CCDC85A: variants seen among roughly 807,000 people sequenced by gnomAD.
The protein encoded by CCDC85A is coiled-coil domain-containing protein 85A.
A neutral mutation model predicts 50.2 loss-of-function variants in CCDC85A; 38 were observed. The observed-to-expected ratio is 0.76, with a 90% confidence interval of 0.58 to 0.99. The LOEUF (loss-of-function observed/expected upper bound fraction) is 0.99. Among genes scored for constraint, CCDC85A ranks in the 50% least tolerant of loss-of-function variants. The pLI is 0.00. For synonymous variants in CCDC85A, 366 were observed against 301.4 expected (o/e 1.21, Z -2.22); for missense variants, 820 against 742.0 (o/e 1.11, Z -1.22).
intron 3 of CCDC85A, among the ~76,000 whole-genome samples, chr2:56,365,211 C>T (rs1675730541): frequency 6.6e-6 from 1 of 152,138 alleles, no homozygotes; most frequent in Non-Finnish European, 1.5e-5. Context: ...ACTGTGACTC[C>T]ACAGACATCA....
intron 2 of CCDC85A, among the ~76,000 whole-genome samples, chr2:56,308,056 A>G (rs1265334257): frequency 1.3e-5 from 2 of 152,240 alleles, no homozygotes; most frequent in African/African-American, 4.8e-5. Flanking sequence ...CTACTCTCAT[A>G]GCATGAGTCG....
chr2:56,319,920 G>T (rs1673091916), intron 2 of CCDC85A, among the ~76,000 whole-genome samples: 1 of 152,134 alleles, frequency 6.6e-6, no homozygotes, highest in Non-Finnish European at 1.5e-5. Context: ...TAAAAGAACA[G>T]AAATTATAGC....
At chr2:56,232,025 G>A (rs1030579921) in intron 2 of CCDC85A, among the ~76,000 whole-genome samples, 4 of 151,912 alleles carry the variant, frequency 2.6e-5, no homozygotes, top group African/African-American at 9.7e-5. Flanking sequence ...TCCTCTGCTT[G>A]ACTTCTCAAT....
intron 2 of CCDC85A, among the ~76,000 whole-genome samples, chr2:56,219,357 TAAAC>T (rs917866994): frequency 2.6e-5 from 4 of 151,392 alleles, no homozygotes; most frequent in African/African-American, 9.7e-5. Flanking sequence ...CTTCGAACAA[TAAAC>T]AAGACAGCAT....
At position 56,192,617 on chromosome 2, in the gene CCDC85A, G is replaced by A. The variant is rs1676344068; in HGVS notation, c.417G>A (p.Lys139=). ...LGRYTAGVMH[K]EVALYLQKLK... The stretch of plus-strand genomic sequence containing the variant: ...GCTACACTGCCGGGGTGATGCACAA[G>A]GAAGTGGCCTTATACCTGCAGAAGC... Residue 139 remains lysine, a synonymous_variant, in exon 2 of 6, where the codon AAG becomes AAA. Coordinates refer to ENST00000407595, the MANE Select transcript of CCDC85A (RefSeq NM_001080433.2). This position sits in a 1 kb window ranked among gnomAD's most constrained non-coding sequence, Gnocchi z 4.7. 6.2e-7 allele frequency: 1 copy of A among 1,613,844 alleles called. No homozygotes were observed. The highest frequency in any genetic ancestry group is 1.7e-5 in the Admixed American group (1 of 59,988).
chr2:56,347,312 A>T (rs1026422376), intron 3 of CCDC85A, among the ~76,000 whole-genome samples: 1 of 152,190 alleles, frequency 6.6e-6, no homozygotes, highest in African/African-American at 2.4e-5. Context: ...AGGCCTATTC[A>T]GTGTTCTTTC....
intron 2 of CCDC85A, among the ~76,000 whole-genome samples, chr2:56,224,096 C>A (rs1044041750): frequency 2.7e-4 from 41 of 152,274 alleles, no homozygotes; most frequent in African/African-American, 9.9e-4. Context: ...TTGCATTTAA[C>A]CCCATACCCA....
intron 2 of CCDC85A, among the ~76,000 whole-genome samples, chr2:56,198,116 A>G (rs1676600136): frequency 6.6e-6 from 1 of 152,262 alleles, no homozygotes; most frequent in Non-Finnish European, 1.5e-5. Flanking sequence ...GATAACACAA[A>G]GTGGCCTTGT....
At chr2:56,337,092 G>C (rs1674111413) in intron 2 of CCDC85A, among the ~76,000 whole-genome samples, 1 of 152,202 alleles carries the variant, frequency 6.6e-6, no homozygotes, top group African/African-American at 2.4e-5. Flanking sequence ...GGCAGAAGTT[G>C]AATTAGAAAA....
chr2:56,184,008 C>CA lies in CCDC85A; in HGVS notation c.-614dup. On this transcript the variant is annotated 5_prime_UTR_variant, in exon 1 of 6. Coordinates refer to ENST00000407595, the MANE Select transcript of CCDC85A (RefSeq NM_001080433.2). ...TCCACCCCTTCTCGACTCCGCTCTG[C>CA]AAATCGAAGGCTTTCCGGAGCAGCC... is the stretch of plus-strand genomic sequence containing the variant. The CA allele has an allele frequency of 1.0e-6, 1 of 985,588 alleles. No individual in the cohort carries two copies. The highest frequency in any genetic ancestry group is 1.7e-5 in the African/African-American group (1 of 57,374). 61.1% of individuals were successfully genotyped at this position (985,588 alleles called of 1,614,324 possible).
intron 2 of CCDC85A, among the ~76,000 whole-genome samples, chr2:56,220,053 T>C (rs552925195): frequency 6.6e-6 from 1 of 151,948 alleles, no homozygotes; most frequent in South Asian, 2.1e-4. Context: ...TAGAGACAAA[T>C]GTGATTTGCC....
intron 2 of CCDC85A, among the ~76,000 whole-genome samples, chr2:56,243,350 T>G (rs890181166): frequency 1.3e-5 from 2 of 152,132 alleles, no homozygotes; most frequent in Non-Finnish European, 2.9e-5. Context: ...CTCTTCCGTG[T>G]GTTTTCAAAT....
chr2:56,340,204 T>C (rs1188712568), intron 2 of CCDC85A, among the ~76,000 whole-genome samples: 1 of 152,154 alleles, frequency 6.6e-6, no homozygotes, highest in Non-Finnish European at 1.5e-5. Flanking sequence ...TTTTAGAAAA[T>C]AAAGTGTTAG....
rs539465577 is a variant in CCDC85A, at chr2:56,361,167, T to C, written c.1318-11177T>C. The stretch of plus-strand genomic sequence containing the variant: ...TACTCGGGAGGCTGAGGCAGGAGAA[T>C]GGCGCGAACCCAGGAGGCGGAGCTT... On this transcript the variant is annotated intron_variant, in intron 3 of 5. Transcript: ENST00000407595. Among the ~76,000 whole-genome samples, 608 of 151,650 alleles carry C rather than the reference T, an allele frequency of 4.0e-3. 3 individuals are homozygous for C. Among genetic ancestry groups the C allele is most frequent in the African/African-American group, 0.013 (519 of 41,262 alleles).
rs769198166 is a variant in CCDC85A at position 56,372,487 on chromosome 2, A to G, written c.1452+9A>G. On this transcript the variant is annotated intron_variant, in intron 4 of 5. Transcript: ENST00000407595. ...GCCTGCCTACTCTCCCGGTGAGTGAAGATGAGTCAGCTGGATGCATTTGCT... is the reference window on the plus strand; with the variant it reads ...GCCTGCCTACTCTCCCGGTGAGTGAGGATGAGTCAGCTGGATGCATTTGCT... The G allele has an allele frequency of 1.3e-6, 2 of 1,583,872 alleles. No homozygotes were observed. The highest frequency in any genetic ancestry group is 2.3e-5 in the South Asian group (2 of 86,496).
chr2:56,296,796 C>T (rs1671969638), intron 2 of CCDC85A, among the ~76,000 whole-genome samples: 1 of 152,140 alleles, frequency 6.6e-6, no homozygotes, highest in South Asian at 2.1e-4. Flanking sequence ...AAACAATTTA[C>T]ATAGCAAATT....
intron 2 of CCDC85A, among the ~76,000 whole-genome samples, chr2:56,202,176 A>G (rs1311179829): frequency 6.6e-6 from 1 of 152,254 alleles, no homozygotes; most frequent in Non-Finnish European, 1.5e-5. Flanking sequence ...GATAAGTATC[A>G]CTAGCCTCTG....
Position 56,184,794 on chromosome 2 carries a change from G to C in CCDC85A, c.170G>C (p.Arg57Pro), listed in dbSNP as rs1374111854. The C allele has an allele frequency of 8.4e-6, 13 of 1,546,120 alleles. No homozygotes were observed. Among genetic ancestry groups the C allele is most frequent in the Non-Finnish European group, 1.1e-5 (13 of 1,146,038 alleles). Residue 57 changes from arginine (R) to proline (P), a missense_variant, in exon 1 of 6, where the codon CGG (arginine) becomes CCG (proline). By Grantham distance (103) the Arg-to-Pro change is moderately radical. Coordinates refer to ENST00000407595, the MANE Select transcript of CCDC85A (RefSeq NM_001080433.2). Reference protein sequence around the residue: ...WSKEELIRSLRRAEAEKVSAM... With the variant: ...WSKEELIRSLPRAEAEKVSAM... ...AAGGAGGAGCTGATCCGCAGCCTGC[G>C]GCGCGCCGAGGCGGAGAAGGTGAGC... is the stretch of plus-strand genomic sequence containing the variant.
At chr2:56,329,563 C>G (rs1238956895) in intron 2 of CCDC85A, among the ~76,000 whole-genome samples, 1 of 152,142 alleles carries the variant, frequency 6.6e-6, no homozygotes, top group Admixed American at 6.5e-5. Context: ...TTGAAATAAT[C>G]ACTTTCTGTA....
Sources: gnomAD v4.1 joint callset for allele counts (sites outside exome capture counted in the v4.1 genomes callset) on GRCh38, gnomAD v4.1.1 for gene constraint, Gnocchi (gnomAD v3.1) non-coding constraint, MANE v1.5 for transcripts, NCBI Gene and HGNC (gene_info 2026-07-23, HGNC 2026-07-21) for gene names.